Variants in TRPM3 observed in about 807,000 individuals in gnomAD.
TRPM3 encodes the protein long transient receptor potential channel 3.
In TRPM3, 77 loss-of-function variants were observed where a neutral mutation model predicts 181.2. The observed-to-expected ratio is 0.42, with a 90% CI of 0.35 to 0.51. The LOEUF is 0.51. Among genes scored for constraint, TRPM3 ranks in the 20% least tolerant of loss-of-function variants. The pLI is 0.01. For missense variants in TRPM3, 1,759 were observed against 2,196.7 expected (o/e 0.80, Z 3.98); for synonymous variants, 745 against 796.4 (o/e 0.94, Z 1.09).
chr9:71,271,803 C>T (rs2132131306), intron 1 of TRPM3, among the ~76,000 whole-genome samples: 1 of 152,264 alleles, frequency 6.6e-6, no homozygotes, highest in Admixed American at 6.5e-5. Context: ...CCATTTTCCA[C>T]CTGATGAACA....
At chr9:71,173,024 G>C (rs1048150464) in intron 1 of TRPM3, among the ~76,000 whole-genome samples, 4 of 152,114 alleles carry the variant, frequency 2.6e-5, no homozygotes, top group African/African-American at 9.7e-5. Context: ...AACACTAGAA[G>C]GGTTTTTTCC....
intron 1 of TRPM3, among the ~76,000 whole-genome samples, chr9:71,309,980 T>G (rs529689150): frequency 4.6e-5 from 7 of 152,176 alleles, no homozygotes; most frequent in South Asian, 2.1e-4. Flanking sequence ...GAAAGAACTA[T>G]TTTCATAAAT....
intron 1 of TRPM3, among the ~76,000 whole-genome samples, chr9:70,942,429 A>C (rs1342486501): frequency 6.6e-6 from 1 of 152,196 alleles, no homozygotes; most frequent in East Asian, 1.9e-4. Context: ...CAGAAAGAAG[A>C]GGTGAGCATC....
In TRPM3 at chr9:70,537,425, TGA is replaced by T. The variant is rs2042073356; in HGVS notation, c.3708-22_3708-21del. ...TCCACCCTGCGCGAGGAAGAGAGAA[TGA>T]GAGTCACTCGGCCTGGTTCCTCTGC... On this transcript the variant is annotated intron_variant, in intron 25 of 25. Coordinates refer to ENST00000677713, the MANE Select transcript of TRPM3 (RefSeq NM_001366145.2). 1 of 1,430,520 alleles carries T rather than the reference TGA, an allele frequency of 7.0e-7. No individual in the cohort carries two copies. The highest frequency in any genetic ancestry group is 9.1e-7 in the Non-Finnish European group (1 of 1,094,034). The allele number at this position is 1,430,520 out of a possible 1,614,324, so 88.6% of individuals were successfully genotyped here.
chr9:71,140,442 T>C (rs1682155534), intron 1 of TRPM3, among the ~76,000 whole-genome samples: 1 of 152,186 alleles, frequency 6.6e-6, no homozygotes, highest in Admixed American at 6.6e-5. Flanking sequence ...TCCCTTCCTT[T>C]GTTCATTCTC....
At chr9:71,041,215 T>C (rs1441541175) in intron 1 of TRPM3, among the ~76,000 whole-genome samples, 4 of 152,004 alleles carry the variant, frequency 2.6e-5, no homozygotes, top group Non-Finnish European at 5.9e-5. Flanking sequence ...GCATGTATGA[T>C]GTATGTGTAG....
intron 9 of TRPM3, among the ~76,000 whole-genome samples, chr9:70,647,657 C>T (rs2059068566): frequency 6.6e-6 from 1 of 152,154 alleles, no homozygotes; most frequent in East Asian, 1.9e-4. Flanking sequence ...ACTCTCACTA[C>T]TTCTATTCAA....
intron 1 of TRPM3, among the ~76,000 whole-genome samples, chr9:71,268,829 A>T (rs1335765492): frequency 6.6e-6 from 1 of 152,162 alleles, no homozygotes; most frequent in Non-Finnish European, 1.5e-5. Flanking sequence ...CTCCAAAAAA[A>T]GTTTAAAAAA....
intron 1 of TRPM3, among the ~76,000 whole-genome samples, chr9:71,402,472 A>T (rs1368145807): frequency 6.6e-6 from 1 of 152,162 alleles, no homozygotes; most frequent in Non-Finnish European, 1.5e-5. Context: ...TGTCATGCAT[A>T]TATCAAAGGT....
intron 1 of TRPM3, among the ~76,000 whole-genome samples, chr9:71,081,661 G>A (rs1481702892): frequency 6.6e-6 from 1 of 151,982 alleles, no homozygotes; most frequent in Non-Finnish European, 1.5e-5. Flanking sequence ...TTATGCCATT[G>A]TTTGAAATTA....
chr9:71,272,271 A>G (rs2083863009), intron 1 of TRPM3, among the ~76,000 whole-genome samples: 1 of 152,214 alleles, frequency 6.6e-6, no homozygotes, highest in South Asian at 2.1e-4. Context: ...TTTAAAGGTG[A>G]CTGTAATTGC....
At chr9:71,234,647 A>G (rs2081259077) in intron 1 of TRPM3, among the ~76,000 whole-genome samples, 1 of 152,126 alleles carries the variant, frequency 6.6e-6, no homozygotes, top group Non-Finnish European at 1.5e-5. Context: ...TCTTCTTATA[A>G]GAACACCAGT....
At chr9:70,973,302 C>T (rs1391181344) in intron 1 of TRPM3, among the ~76,000 whole-genome samples, 1 of 152,148 alleles carries the variant, frequency 6.6e-6, no homozygotes, top group East Asian at 1.9e-4. Context: ...CTGAGCTAGC[C>T]TGAATTTAAG....
chr9:70,590,050 G>C (rs1428231292), intron 22 of TRPM3, among the ~76,000 whole-genome samples: 2 of 152,126 alleles, frequency 1.3e-5, no homozygotes, highest in Non-Finnish European at 2.9e-5. Context: ...CGGCTGGCCT[G>C]TCAGCAAAAA....
chr9:70,911,135 C>T (rs1170099024), intron 1 of TRPM3, among the ~76,000 whole-genome samples: 1 of 152,194 alleles, frequency 6.6e-6, no homozygotes, highest in Non-Finnish European at 1.5e-5. Flanking sequence ...GAAGAAATAT[C>T]TTAATAACAT....
intron 1 of TRPM3, among the ~76,000 whole-genome samples, chr9:70,944,961 A>G (rs943877096): frequency 3.3e-5 from 5 of 151,736 alleles, no homozygotes; most frequent in African/African-American, 1.2e-4. Context: ...AAGTTTGTTT[A>G]CATTTTACAT....
chr9:70,574,059 TC>T (rs1309335408), intron 22 of TRPM3, among the ~76,000 whole-genome samples: 1 of 144,960 alleles, frequency 6.9e-6, no homozygotes, highest in East Asian at 2.0e-4. Flanking sequence ...GTAGGTTAAA[TC>T]AGCAATTCAT....
chr9:71,437,083 C>T (rs2094052879), intron 1 of TRPM3, among the ~76,000 whole-genome samples: 1 of 152,192 alleles, frequency 6.6e-6, no homozygotes, highest in South Asian at 2.1e-4. Context: ...AGTACACTAA[C>T]AAATTAATGC....
At chr9:71,308,131 T>C (rs2087550196) in intron 1 of TRPM3, among the ~76,000 whole-genome samples, 1 of 152,022 alleles carries the variant, frequency 6.6e-6, no homozygotes, top group African/African-American at 2.4e-5. Context: ...CCACCACACC[T>C]GGCTAATTTT....
Sources: allele counts gnomAD v4.1 joint callset (sites outside exome capture counted in the v4.1 genomes callset), GRCh38; gene constraint gnomAD v4.1.1; transcripts MANE v1.5; gene names NCBI Gene and HGNC (gene_info 2026-07-23, HGNC 2026-07-21).